The following TRPM3 variants were observed in gnomAD, a reference collection of about 807,000 sequenced individuals.
TRPM3 encodes transient receptor potential cation channel subfamily M member 3, also known as long transient receptor potential channel 3.
Under a neutral mutation model 181.2 loss-of-function variants are expected in TRPM3, and 77 were observed. That is an observed-to-expected ratio of 0.42 (90% CI 0.35 to 0.51). The LOEUF (loss-of-function observed/expected upper bound fraction) is 0.51, where lower values mean the gene tolerates loss of function less well. TRPM3 is among the 20% of genes least tolerant of loss of function. The pLI is 0.01. For synonymous variants in TRPM3, 745 were observed against 796.4 expected (o/e 0.94, Z 1.09); for missense variants, 1,759 against 2,196.7 (o/e 0.80, Z 3.98).
chr9:70,910,528 T>C (rs1363758674), intron 1 of TRPM3, among the ~76,000 whole-genome samples: 1 of 152,196 alleles, frequency 6.6e-6, no homozygotes, highest in African/African-American at 2.4e-5. Flanking sequence ...CCAGTTGTTA[T>C]ATATATTTAG....
intron 25 of TRPM3, among the ~76,000 whole-genome samples, chr9:70,538,322 G>T (rs1001945494): frequency 1.3e-5 from 2 of 152,020 alleles, no homozygotes; most frequent in African/African-American, 2.4e-5. Context: ...AGATGGGGGG[G>T]GTCTCACTTT....
chr9:71,186,048 C>T (rs1247115391), intron 1 of TRPM3, among the ~76,000 whole-genome samples: 2 of 151,974 alleles, frequency 1.3e-5, no homozygotes, highest in Non-Finnish European at 2.9e-5. Context: ...ATCTAGTATT[C>T]GTTGGTTTGC....
intron 21 of TRPM3, among the ~76,000 whole-genome samples, chr9:70,594,038 C>T (rs989248544): frequency 6.8e-6 from 1 of 147,240 alleles, no homozygotes; most frequent in East Asian, 2.0e-4. Context: ...CTTGACTTTG[C>T]TAGTAAAAAT....
At chr9:70,570,496 A>G (rs910240493) in intron 22 of TRPM3, among the ~76,000 whole-genome samples, 1 of 151,946 alleles carries the variant, frequency 6.6e-6, no homozygotes, top group Non-Finnish European at 1.5e-5. Context: ...TTTAGTAGAG[A>G]TGGGGTTTCA....
At chr9:70,744,288 A>C (rs1009867622) in intron 8 of TRPM3, among the ~76,000 whole-genome samples, 6 of 151,534 alleles carry the variant, frequency 4.0e-5, no homozygotes, top group African/African-American at 1.5e-4. Flanking sequence ...AGATCATGCC[A>C]CTGCACCTCA....
chr9:71,044,963 G>T (rs1156320653), intron 1 of TRPM3, among the ~76,000 whole-genome samples: 2 of 152,096 alleles, frequency 1.3e-5, no homozygotes, highest in East Asian at 3.9e-4. Context: ...GAACCACAGC[G>T]CCCGGCCATT....
At chr9:70,909,133 C>A (rs1156852111) in intron 1 of TRPM3, among the ~76,000 whole-genome samples, 3 of 152,114 alleles carry the variant, frequency 2.0e-5, no homozygotes, top group Non-Finnish European at 2.9e-5. Context: ...TTCTGTTCAT[C>A]AAAAAACTCC....
At chr9:70,793,612 C>G (rs1459413558) in intron 6 of TRPM3, 3 of 470,094 alleles carry the variant, frequency 6.4e-6, no homozygotes, top group East Asian at 7.0e-5. Context: ...TTCCTCTTCC[C>G]GGCTGCCACT....
At chr9:71,122,944 T>C (rs543176565), upstream of TRPM3, among the ~76,000 whole-genome samples, 1 of 152,322 alleles carries the variant, frequency 6.6e-6, no homozygotes, top group African/African-American at 2.4e-5. Flanking sequence ...AGTATTAAAA[T>C]AATAACGGCT....
intron 1 of TRPM3, among the ~76,000 whole-genome samples, chr9:70,885,359 A>G (rs1421122797): frequency 1.3e-5 from 2 of 152,094 alleles, no homozygotes; most frequent in African/African-American, 4.8e-5. Flanking sequence ...ATTGTCTCTA[A>G]TCATTGCCAA....
chr9:71,430,080 C>A (rs10122373), intron 1 of TRPM3, among the ~76,000 whole-genome samples: 21,956 of 152,120 alleles, frequency 0.14, 1,880 homozygotes, highest in African/African-American at 0.24. Flanking sequence ...ACAGCACTTA[C>A]AATCACTAGA....
At chr9:71,327,296 C>T (rs2089763053) in intron 1 of TRPM3, among the ~76,000 whole-genome samples, 1 of 152,174 alleles carries the variant, frequency 6.6e-6, no homozygotes, top group African/African-American at 2.4e-5. Flanking sequence ...GAACGACTGC[C>T]AATGCCATTG....
intron 9 of TRPM3, among the ~76,000 whole-genome samples, chr9:70,665,107 T>C (rs1451775608): frequency 1.3e-5 from 2 of 152,048 alleles, no homozygotes; most frequent in Non-Finnish European, 2.9e-5. Context: ...AAAGGCCACT[T>C]CTCTTCTGAG....
intron 19 of TRPM3, among the ~76,000 whole-genome samples, chr9:70,606,095 T>C (rs796174460): frequency 2.0e-5 from 3 of 152,340 alleles, no homozygotes; most frequent in African/African-American, 7.2e-5. Flanking sequence ...TTCCTAGCTG[T>C]ATCACCTTTT....
intron 5 of TRPM3, among the ~76,000 whole-genome samples, chr9:70,832,993 G>T (rs2094047033): frequency 6.6e-6 from 1 of 152,174 alleles, no homozygotes; most frequent in Non-Finnish European, 1.5e-5. Context: ...CACAATAAAT[G>T]TTCAAAACAG....
At chr9:70,665,967 C>T (rs565178825) in intron 9 of TRPM3, among the ~76,000 whole-genome samples, 2 of 152,326 alleles carry the variant, frequency 1.3e-5, no homozygotes, top group East Asian at 3.9e-4. Flanking sequence ...TGAGAGTCAT[C>T]TATTCCCGCA....
intron 1 of TRPM3, among the ~76,000 whole-genome samples, chr9:71,417,901 C>G (rs2093661350): frequency 6.6e-6 from 1 of 151,876 alleles, no homozygotes; most frequent in African/African-American, 2.4e-5. Context: ...CATGTTCTGT[C>G]ACTCGCAAAA....
At chr9:71,265,693 T>G (rs2083343440) in intron 1 of TRPM3, among the ~76,000 whole-genome samples, 1 of 152,218 alleles carries the variant, frequency 6.6e-6, no homozygotes, top group Non-Finnish European at 1.5e-5. Context: ...ATAAGCCTAT[T>G]ATAAGTGTTG....
At chr9:70,627,141 A>G (rs1161817591) in intron 12 of TRPM3, among the ~76,000 whole-genome samples, 1 of 152,124 alleles carries the variant, frequency 6.6e-6, no homozygotes, top group African/African-American at 2.4e-5. Context: ...CTAGTTCACT[A>G]TGGAAATTTG....
Sources: gnomAD v4.1 joint callset for allele counts (sites outside exome capture counted in the v4.1 genomes callset) on GRCh38, gnomAD v4.1.1 for gene constraint, MANE v1.5 for transcripts, NCBI Gene and HGNC (gene_info 2026-07-23, HGNC 2026-07-21) for gene names.